The following PLCG2 variants were observed in gnomAD, a reference collection of about 807,000 sequenced individuals.
PLCG2 encodes phospholipase C gamma 2.
A neutral mutation model predicts 175.6 loss-of-function variants in PLCG2; 69 were observed. That is an observed-to-expected ratio of 0.39 (90% confidence interval 0.32 to 0.48). PLCG2 has a LOEUF of 0.48. Ranked by LOEUF, PLCG2 falls within the 20% of genes least tolerant of loss-of-function variation. The probability of loss-of-function intolerance (pLI) is 0.91; values close to 1 mark genes in which losing one functional copy is unlikely to be tolerated. For synonymous variants in PLCG2, 827 were observed against 624.0 expected, an observed-to-expected ratio of 1.33 and a Z score of -4.85; for missense variants, 1,798 against 1,650.9, an observed-to-expected ratio of 1.09 and a Z score of -1.54.
At chr16:81,877,973 ATTTTTTTTTTTTTTT>A (rs71146052) in intron 7 of PLCG2, among the ~76,000 whole-genome samples, 10 of 55,762 alleles carry the variant, frequency 1.8e-4, no homozygotes, top group Admixed American at 1.2e-3. Flanking sequence ...TTTTTTTTTA[ATTTTTTTTTTTTTTT>A]TTTTTTTTTT....
chr16:81,785,265 G>C (rs1469837799), intron 1 of PLCG2, among the ~76,000 whole-genome samples: 1 of 152,118 alleles, frequency 6.6e-6, no homozygotes, highest in East Asian at 1.9e-4. Flanking sequence ...CAGGTGCTTT[G>C]CTGGGGCATT....
intron 2 of PLCG2, among the ~76,000 whole-genome samples, chr16:81,793,593 GT>G (rs1259135156): frequency 6.6e-6 from 1 of 152,158 alleles, no homozygotes; most frequent in Non-Finnish European, 1.5e-5. Context: ...GTGGCAAGTG[GT>G]GGCTGCCCAT....
At chr16:81,773,509 G>GT (rs1177895988) in intron 2 of PLCG2, among the ~76,000 whole-genome samples, 14 of 152,192 alleles carry the variant, frequency 9.2e-5, no homozygotes, top group Admixed American at 9.2e-4. Flanking sequence ...AGGCCCACCT[G>GT]TCTCTGTGTC....
At chr16:81,790,485 C>A (rs1305531817) in intron 2 of PLCG2, among the ~76,000 whole-genome samples, 1 of 152,188 alleles carries the variant, frequency 6.6e-6, no homozygotes, top group Admixed American at 6.5e-5. Flanking sequence ...CTGTCAGTGT[C>A]ACCGCTCAGT....
intron 13 of PLCG2, among the ~76,000 whole-genome samples, chr16:81,897,609 G>A (rs1908954439): frequency 6.7e-6 from 1 of 149,622 alleles, no homozygotes. Flanking sequence ...GCAATGGCAG[G>A]ATCTCGGCTC....
At chr16:81,896,645 C>G (rs952037702) in intron 13 of PLCG2, among the ~76,000 whole-genome samples, 1 of 152,172 alleles carries the variant, frequency 6.6e-6, no homozygotes, top group African/African-American at 2.4e-5. Context: ...AATTCCCCTT[C>G]TGTCCTAATT....
rs1222086298 is a variant in PLCG2, at chr16:81,889,162, T to C, written c.766-10T>C. The C allele has an allele frequency of 6.5e-7, 1 of 1,541,282 alleles. No individual in the cohort carries two copies. Among genetic ancestry groups the C allele is most frequent in the Admixed American group, 1.7e-5 (1 of 57,692 alleles). On this transcript the variant is annotated splice_polypyrimidine_tract_variant and intron_variant, in intron 9 of 32. Transcript: ENST00000564138. The stretch of plus-strand genomic sequence containing the variant: ...CTTTGCTGATCTCTCGTTCTCTTTG[T>C]CATTTTAAGGAGCATTGGGCTCAGG...
intron 9 of PLCG2, among the ~76,000 whole-genome samples, chr16:81,887,763 A>G (rs1259629637): frequency 6.6e-6 from 1 of 152,250 alleles, no homozygotes; most frequent in Admixed American, 6.5e-5. Context: ...TGAAGAAAGC[A>G]TTGATCAAAG....
intron 9 of PLCG2, among the ~76,000 whole-genome samples, chr16:81,886,182 C>T (rs932606281): frequency 2.6e-5 from 4 of 152,140 alleles, no homozygotes; most frequent in African/African-American, 9.7e-5. Context: ...TGTAGATTTA[C>T]CCCACCTAGT....
In PLCG2 at chr16:81,858,246, C is replaced by G; in HGVS notation, c.338-17C>G. 2 of 1,561,236 alleles carry G rather than the reference C, an allele frequency of 1.3e-6. No individual in the cohort carries two copies. Among genetic ancestry groups the G allele is most frequent in the Non-Finnish European group, 1.8e-6 (2 of 1,131,706 alleles). ...CAGGAATTAACACAGCATTTCTGTT[C>G]CCTTTCTCCACTCCAGCTGACTCTA... On this transcript the variant is annotated splice_polypyrimidine_tract_variant and intron_variant, in intron 3 of 32. Transcript: ENST00000564138.
At chr16:81,936,788 G>C (rs1042036892) in intron 27 of PLCG2, among the ~76,000 whole-genome samples, 3 of 152,212 alleles carry the variant, frequency 2.0e-5, no homozygotes, top group African/African-American at 7.2e-5. Context: ...GACACAAAGT[G>C]ATCGCATAAA....
In PLCG2 at chr16:81,897,792, G is replaced by C. The variant is rs117425235; in HGVS notation, c.1193+1865G>C. On this transcript the variant is annotated intron_variant, in intron 13 of 32. Coordinates refer to ENST00000564138, the MANE Select transcript of PLCG2 (RefSeq NM_002661.5). ...ACTCATGACCTCAGGTGATCCTCCC[G>C]CCTCAACCTCCCAAAGTGTGGGGAT... The C allele has an allele frequency of 1.1e-5, 5 of 454,390 alleles. No homozygotes were observed. In the East Asian group the frequency reaches 3.5e-4, roughly 32 times the overall value. 28.1% of individuals were successfully genotyped at this position (454,390 alleles called of 1,614,324 possible). A position where few individuals can be genotyped will look rare whatever the true frequency, so the allele number is the denominator to read the frequency against.
chr16:81,805,755 GTGTTTTGTTTTGTTTTTTTTTTTTTT>G (rs1911978103), intron 2 of PLCG2, among the ~76,000 whole-genome samples: 1 of 105,658 alleles, frequency 9.5e-6, no homozygotes, highest in African/African-American at 4.0e-5. Context: ...CATGAGAGTA[GTGTTTTGTTTTGTTTTTTTTTTTTTT>G]TGTTTTTTTT....
At chr16:81,758,177 G>A (rs538005210) in intron 2 of PLCG2, among the ~76,000 whole-genome samples, 6 of 151,982 alleles carry the variant, frequency 3.9e-5, no homozygotes, top group South Asian at 4.1e-4. Flanking sequence ...GGGGTTTCGC[G>A]GTGTTCCTCA....
chr16:81,932,405 C>T (rs1032442019), intron 25 of PLCG2, among the ~76,000 whole-genome samples: 1 of 152,142 alleles, frequency 6.6e-6, no homozygotes, highest in Non-Finnish European at 1.5e-5. Flanking sequence ...ACCCTGTCTT[C>T]GATGATGGAG....
intron 2 of PLCG2, among the ~76,000 whole-genome samples, chr16:81,837,258 T>C (rs1244977357): frequency 6.6e-6 from 1 of 152,236 alleles, no homozygotes; most frequent in African/African-American, 2.4e-5. Context: ...GAAGTCTGCA[T>C]TTACTCTTCT....
At chr16:81,887,127 T>C (rs1207409235) in intron 9 of PLCG2, among the ~76,000 whole-genome samples, 2 of 151,916 alleles carry the variant, frequency 1.3e-5, no homozygotes, top group Non-Finnish European at 2.9e-5. Context: ...TGTTTTTTTT[T>C]TTTTTCTTTT....
intron 1 of PLCG2, among the ~76,000 whole-genome samples, chr16:81,782,804 C>A (rs1215171525): frequency 6.6e-6 from 1 of 152,210 alleles, no homozygotes; most frequent in Non-Finnish European, 1.5e-5. Context: ...GTAAGGGCCC[C>A]TCCAACAGTT....
intron 14 of PLCG2, among the ~76,000 whole-genome samples, chr16:81,904,007 C>T (rs936235410): frequency 7.2e-5 from 11 of 152,168 alleles, no homozygotes; most frequent in Non-Finnish European, 1.0e-4. Context: ...CACTGCAGGA[C>T]GAATAACCTC....
Sources: gnomAD v4.1 joint callset for allele counts (sites outside exome capture counted in the v4.1 genomes callset) on GRCh38, gnomAD v4.1.1 for gene constraint, MANE v1.5 for transcripts, NCBI Gene and HGNC (gene_info 2026-07-23, HGNC 2026-07-21) for gene names.